The following CUX1 variants were observed in gnomAD, a reference collection of about 807,000 sequenced individuals.
The protein encoded by CUX1 is protein CASP.
In CUX1, 31 loss-of-function variants were observed where a neutral mutation model predicts 158.8. That is an observed-to-expected ratio of 0.20 (90% CI 0.15 to 0.26). The LOEUF is 0.26. Among genes scored for constraint, CUX1 ranks in the 10% least tolerant of loss-of-function variants. The probability of loss-of-function intolerance (pLI) is 1.00; values close to 1 mark genes in which losing one functional copy is unlikely to be tolerated. For synonymous variants in CUX1, 879 were observed against 862.1 expected (o/e 1.02, Z -0.34); for missense variants, 1,589 against 2,014.6 (o/e 0.79, Z 4.04).
chr7:102,031,695 A>G (rs1460329022), intron 3 of CUX1, among the ~76,000 whole-genome samples: 2 of 152,190 alleles, frequency 1.3e-5, no homozygotes, highest in Non-Finnish European at 2.9e-5. Flanking sequence ...ACATGATGCT[A>G]TGGGATACAT....
intron 11 of CUX1, among the ~76,000 whole-genome samples, chr7:102,180,314 CTTTTTTTTT>C (rs782269252): frequency 1.6e-5 from 2 of 127,778 alleles, no homozygotes; most frequent in African/African-American, 6.0e-5. Flanking sequence ...GAGCCACTGC[CTTTTTTTTT>C]TTTTTTTTTT....
intron 1 of CUX1, among the ~76,000 whole-genome samples, chr7:101,818,120 T>A (rs192922092): frequency 2.0e-5 from 3 of 152,336 alleles, no homozygotes; most frequent in Admixed American, 2.0e-4. Flanking sequence ...GAAATATGTA[T>A]TTCCGATAAG....
intron 2 of CUX1, among the ~76,000 whole-genome samples, chr7:101,940,795 T>G (rs117412174): frequency 2.2e-3 from 338 of 152,244 alleles, no homozygotes; most frequent in Non-Finnish European, 2.7e-3. Context: ...CCGTGTTCAC[T>G]GAGGGATTCC....
chr7:102,218,088 G>C (rs1244572506), intron 20 of CUX1, among the ~76,000 whole-genome samples: 3 of 152,212 alleles, frequency 2.0e-5, no homozygotes, highest in Non-Finnish European at 4.4e-5. Context: ...GCTGTGGCCA[G>C]GACCATGTTG....
chr7:101,835,231 G>C (rs986414311), intron 1 of CUX1, among the ~76,000 whole-genome samples: 9 of 151,998 alleles, frequency 5.9e-5, no homozygotes, highest in Non-Finnish European at 1.2e-4. Flanking sequence ...CATGCGTCTC[G>C]GGAATCATGG....
In CUX1 at chr7:102,202,805, G is replaced by C. The variant is rs567062931; in HGVS notation, c.2907+601G>C. On this transcript the variant is annotated intron_variant, in intron 18 of 23. Coordinates refer to ENST00000292535, the MANE Select transcript of CUX1 (RefSeq NM_181552.4). ...GGGGATGGCCCAAGCAGGGTGGCCC[G>C]TGTTTCCCTATCATCCTTCCCTGGC... Among the ~76,000 whole-genome samples, 2 of 152,202 alleles carry C rather than the reference G, an allele frequency of 1.3e-5. 1 individual carries two copies.
chr7:101,993,318 T>A lies in CUX1; in HGVS notation c.142-34780T>A, dbSNP rs184450524. ...GCACTCCAGCCTGGGTGACAGAGTG[T>A]GACTCCGTCTCAAAAATAAATAAAT... On this transcript the variant is annotated intron_variant, in intron 2 of 23. Transcript: ENST00000292535. Among the ~76,000 whole-genome samples the A allele has an allele frequency of 2.3e-4, 34 of 150,136 alleles. 1 individual carries two copies. The East Asian group carries it at 6.6e-3, about 29-fold the overall frequency.
intron 2 of CUX1, chr7:101,961,373 A>T (rs1445574834): frequency 6.6e-6 from 1 of 152,180 alleles, no homozygotes; most frequent in African/African-American, 2.4e-5. Context: ...CCAGCTATAA[A>T]TATTGGTTAT....
chr7:102,117,982 A>G (rs1312955504), intron 8 of CUX1, among the ~76,000 whole-genome samples: 13 of 152,178 alleles, frequency 8.5e-5, no homozygotes, highest in African/African-American at 3.1e-4. Context: ...GAATGGCCTG[A>G]GAGAATTGGA....
intron 20 of CUX1, among the ~76,000 whole-genome samples, chr7:102,208,149 C>A (rs1275377098): frequency 3.9e-5 from 6 of 152,062 alleles, no homozygotes; most frequent in Admixed American, 1.3e-4. Context: ...GATCACGCCA[C>A]TGCACTCCAA....
chr7:102,123,090 G>A (rs1041677043), intron 8 of CUX1, among the ~76,000 whole-genome samples: 1 of 152,098 alleles, frequency 6.6e-6, no homozygotes, highest in Non-Finnish European at 1.5e-5. Flanking sequence ...AATTAGCTGG[G>A]TGTGGTGGCG....
At position 101,905,498 on chromosome 7, in the gene CUX1, C is replaced by T. The variant is rs1185178035; in HGVS notation, c.31-10617C>T. Among the ~76,000 whole-genome samples the T allele has an allele frequency of 3.3e-5, 5 of 152,220 alleles. No individual in the cohort carries two copies. In the South Asian group the frequency reaches 6.2e-4, roughly 19 times the overall value. On this transcript the variant is annotated intron_variant, in intron 1 of 23. Transcript: ENST00000292535. Reference sequence around the variant, plus strand: ...GACAGGCAGTGGGAATCCGTGTTCACGCTGGTCCCTTGGATCAGAAATTCA... The same window carrying T: ...GACAGGCAGTGGGAATCCGTGTTCATGCTGGTCCCTTGGATCAGAAATTCA...
chr7:102,051,393 A>G lies in CUX1; in HGVS notation c.190-18946A>G, dbSNP rs532857182. 5.3e-5 allele frequency among the ~76,000 whole-genome samples: 8 copies of G among 151,998 alleles called. No individual in the cohort carries two copies. In the East Asian group the frequency reaches 1.5e-3, roughly 29 times the overall value. On this transcript the variant is annotated intron_variant, in intron 3 of 23. Transcript: ENST00000292535. ...CCGGGCGCAGTGGCTCATGCCTGTA[A>G]TCCCAACACTTTGAGAGACTGACGC...
Position 102,248,281 on chromosome 7 carries a change from G to A in CUX1, c.3888-131G>A, listed in dbSNP as rs1801038715. 1 of 812,364 alleles carries A rather than the reference G, an allele frequency of 1.2e-6. No homozygotes were observed. Among genetic ancestry groups the A allele is most frequent in the Non-Finnish European group, 1.8e-6 (1 of 548,152 alleles). 50.3% of individuals were successfully genotyped at this position (812,364 alleles called of 1,614,324 possible). On this transcript the variant is annotated intron_variant, in intron 23 of 23. Coordinates refer to ENST00000292535, the MANE Select transcript of CUX1 (RefSeq NM_181552.4). This position sits in a 1 kb window ranked among gnomAD's most constrained non-coding sequence, Gnocchi z 5.8. ...GCTGCCCCGTGGCCCGAGGGTCGCT[G>A]GAGGGGCACGGAGGGGCCTCCAGGC...
intron 2 of CUX1, among the ~76,000 whole-genome samples, chr7:101,997,122 T>C (rs1336000206): frequency 6.6e-6 from 1 of 152,084 alleles, no homozygotes; most frequent in Non-Finnish European, 1.5e-5. Flanking sequence ...AACACAGTCC[T>C]TGTCAGCACG....
chr7:102,009,160 G>C (rs1252497984), intron 2 of CUX1, among the ~76,000 whole-genome samples: 1 of 152,226 alleles, frequency 6.6e-6, no homozygotes, highest in Non-Finnish European at 1.5e-5. Context: ...ATTGTAGCCA[G>C]ATGGCCTCAG....
intron 2 of CUX1, among the ~76,000 whole-genome samples, chr7:101,983,890 C>T (rs534471514): frequency 2.0e-5 from 3 of 151,484 alleles, no homozygotes; most frequent in East Asian, 3.9e-4. Context: ...GGACACTAGC[C>T]GGGTGTGGTG....
chr7:102,187,702 G>C (rs1793787518), intron 11 of CUX1, among the ~76,000 whole-genome samples: 1 of 151,270 alleles, frequency 6.6e-6, no homozygotes, highest in African/African-American at 2.4e-5. Flanking sequence ...GTAGAGACGG[G>C]GTTTCACCAT....
At chr7:101,989,370 C>T (rs1461471050) in intron 2 of CUX1, among the ~76,000 whole-genome samples, 1 of 152,206 alleles carries the variant, frequency 6.6e-6, no homozygotes, top group African/African-American at 2.4e-5. Context: ...CTCGGCGTGC[C>T]GCACTGGCCA....
Sources: allele counts gnomAD v4.1 joint callset (sites outside exome capture counted in the v4.1 genomes callset), GRCh38; gene constraint gnomAD v4.1.1; non-coding constraint Gnocchi (gnomAD v3.1); transcripts MANE v1.5; gene names NCBI Gene and HGNC (gene_info 2026-07-23, HGNC 2026-07-21).